The following WDSUB1 variants were observed in gnomAD, a reference collection of about 807,000 sequenced individuals.
WDSUB1 encodes WD repeat, sterile alpha motif and U-box domain containing 1.
In WDSUB1, 49 loss-of-function variants were observed where a neutral mutation model predicts 53.9. The ratio of observed to expected loss-of-function variants is 0.91; its 90% CI spans 0.72 to 1.15. WDSUB1 has a LOEUF of 1.15. WDSUB1 is among the 50% of genes most tolerant of loss of function. The pLI is 0.00. For missense variants in WDSUB1, 514 were observed against 562.0 expected (o/e 0.91, Z 0.86); for synonymous variants, 194 against 200.6 (o/e 0.97, Z 0.28).
Position 159,279,948 on chromosome 2 carries a change from G to A in WDSUB1, c.399-3C>T, listed in dbSNP as rs1433417429. The A allele has an allele frequency of 6.3e-7, 1 of 1,597,954 alleles. No individual in the cohort carries two copies. Among genetic ancestry groups the A allele is most frequent in the Admixed American group, 1.7e-5 (1 of 58,180 alleles). ...AGCCATCTTTAACACTACCACATCT[G>A]AAATAAAAGCAAAAAGTGGGTTTTC... is the stretch of plus-strand genomic sequence containing the variant. On this transcript the variant is annotated splice_region_variant and splice_polypyrimidine_tract_variant and intron_variant, in intron 2 of 10. Coordinates refer to ENST00000359774, the MANE Select transcript of WDSUB1 (RefSeq NM_001128212.3).
At chr2:159,272,651 C>A (rs2061466873) in intron 4 of WDSUB1, among the ~76,000 whole-genome samples, 1 of 152,040 alleles carries the variant, frequency 6.6e-6, no homozygotes, top group African/African-American at 2.4e-5. Context: ...CAAAATACGC[C>A]AATTGCCCAA....
intron 10 of WDSUB1, among the ~76,000 whole-genome samples, chr2:159,247,928 A>T (rs796196890): frequency 0.053 from 3,594 of 67,296 alleles, 213 homozygotes; most frequent in African/African-American, 0.2. Context: ...TATATATATA[A>T]ATATATATAT....
chr2:159,241,448 GC>G (rs1364404896), intron 10 of WDSUB1, among the ~76,000 whole-genome samples: 3 of 152,078 alleles, frequency 2.0e-5, no homozygotes, highest in Non-Finnish European at 4.4e-5. Context: ...CATAATCCTA[GC>G]TACTAGGGAG....
At position 159,285,046 on chromosome 2, in the gene WDSUB1, A is replaced by G. The variant is rs543904567; in HGVS notation, c.-25+1537T>C. Among the ~76,000 whole-genome samples the G allele has an allele frequency of 6.2e-4, 94 of 152,308 alleles. 2 individuals carry two copies. The South Asian group carries it at 0.018, about 30-fold the overall frequency. On this transcript the variant is annotated intron_variant, in intron 1 of 10. Transcript: ENST00000359774. ...TCTCAGCAATTACCACCAGCATCGG[A>G]TATTTGTTAAATTGTCTCCTCCGAC...
chr2:159,278,642 C>T (rs189164100), intron 3 of WDSUB1, among the ~76,000 whole-genome samples: 1 of 152,144 alleles, frequency 6.6e-6, no homozygotes, highest in East Asian at 1.9e-4. Flanking sequence ...TAACAGCAAA[C>T]CAGGTAAAGG....
At chr2:159,257,068 A>T (rs777529451) in intron 8 of WDSUB1, among the ~76,000 whole-genome samples, 2 of 152,082 alleles carry the variant, frequency 1.3e-5, no homozygotes, top group Non-Finnish European at 2.9e-5. Context: ...GCGTGTTCTC[A>T]GCTCACTGCA....
Position 159,236,004 on chromosome 2 carries a change from A to C in WDSUB1, c.*29T>G. On this transcript the variant is annotated 3_prime_UTR_variant, in exon 11 of 11. Transcript: ENST00000359774. ...ATAAATCATTCAAATGAGATCACTGAAAATATAAATAATACAATATCAACA... is the reference window on the plus strand; with the variant it reads ...ATAAATCATTCAAATGAGATCACTGCAAATATAAATAATACAATATCAACA... 1 of 1,561,360 alleles carries C rather than the reference A, an allele frequency of 6.4e-7. No individual in the cohort carries two copies. The highest frequency in any genetic ancestry group is 8.6e-7 in the Non-Finnish European group (1 of 1,157,374).
At chr2:159,271,643 C>G in intron 5 of WDSUB1, 59 bp downstream of exon 5, 1 of 1,396,156 alleles carries the variant, frequency 7.2e-7, no homozygotes, top group South Asian at 1.2e-5. Context: ...TGTACTTTTC[C>G]GTGTGTCTGT....
intron 5 of WDSUB1, among the ~76,000 whole-genome samples, chr2:159,266,933 T>C (rs2061358298): frequency 1.3e-5 from 2 of 151,946 alleles, no homozygotes; most frequent in Admixed American, 6.6e-5. Flanking sequence ...GCCACCATGC[T>C]TGGGTAACTT....
chr2:159,239,926 C>A (rs889763920), intron 10 of WDSUB1, among the ~76,000 whole-genome samples: 10 of 152,196 alleles, frequency 6.6e-5, no homozygotes, highest in Admixed American at 2.0e-4. Flanking sequence ...ATGCTTTCTG[C>A]AGAAACTGTT....
intron 10 of WDSUB1, among the ~76,000 whole-genome samples, chr2:159,241,713 TTTTTTC>T (rs1416025516): frequency 8.5e-6 from 1 of 117,060 alleles, no homozygotes. Context: ...GGATGTTTTC[TTTTTTC>T]TTTTTTTTTT....
intron 10 of WDSUB1, among the ~76,000 whole-genome samples, chr2:159,245,020 C>A (rs2060759888): frequency 1.3e-5 from 2 of 152,156 alleles, no homozygotes; most frequent in South Asian, 4.1e-4. Flanking sequence ...AAAAGAAGAC[C>A]TAAGCAAATG....
chr2:159,273,291 CT>C (rs1290799231), intron 4 of WDSUB1, among the ~76,000 whole-genome samples: 1 of 152,018 alleles, frequency 6.6e-6, no homozygotes, highest in South Asian at 2.1e-4. Flanking sequence ...CAAATTAAGA[CT>C]ATAAAACTTC....
At chr2:159,266,525 G>A (rs1269986979) in intron 5 of WDSUB1, among the ~76,000 whole-genome samples, 2 of 152,108 alleles carry the variant, frequency 1.3e-5, no homozygotes, top group Non-Finnish European at 2.9e-5. Context: ...GGAATCTTAA[G>A]ACCAAAAAGT....
chr2:159,269,747 C>T (rs779218153), intron 5 of WDSUB1, among the ~76,000 whole-genome samples: 17 of 152,134 alleles, frequency 1.1e-4, no homozygotes, highest in Admixed American at 2.6e-4. Flanking sequence ...ACTCCACTAA[C>T]AGAGTAACAG....
At chr2:159,249,911 C>CAA (rs370000755) in intron 9 of WDSUB1, among the ~76,000 whole-genome samples, 53,873 of 130,356 alleles carry the variant, frequency 0.41, 11,888 homozygotes, top group Non-Finnish European at 0.55. Context: ...ATTAAAAATA[C>CAA]AAAAAAAAAA....
At chr2:159,265,315 ACACT>A (rs2061320412) in intron 5 of WDSUB1, among the ~76,000 whole-genome samples, 2 of 140,846 alleles carry the variant, frequency 1.4e-5, no homozygotes, top group South Asian at 4.9e-4. Flanking sequence ...ACACACACAC[ACACT>A]CACTCTCTCT....
rs756402930 is a variant in WDSUB1, at chr2:159,236,222, T to C, written c.1274-32A>G. On this transcript the variant is annotated intron_variant, in intron 10 of 10. Transcript: ENST00000359774. ...AAAAAAAATCACACAAATTACATGA[T>C]GTAGGAAAGGGAAATGAGGATGTCT... The C allele has an allele frequency of 1.3e-5, 20 of 1,581,904 alleles. No individual in the cohort carries two copies. The South Asian group carries it at 2.1e-4, about 17-fold the overall frequency.
chr2:159,238,403 G>C (rs1427708333), intron 10 of WDSUB1, among the ~76,000 whole-genome samples: 4 of 152,126 alleles, frequency 2.6e-5, no homozygotes, highest in African/African-American at 9.7e-5. Context: ...CCTTACATCA[G>C]CTTCCGGAAT....
Sources: allele counts gnomAD v4.1 joint callset (sites outside exome capture counted in the v4.1 genomes callset), GRCh38; gene constraint gnomAD v4.1.1; transcripts MANE v1.5; gene names NCBI Gene and HGNC (gene_info 2026-07-23, HGNC 2026-07-21).